The following TLN2 variants were observed in gnomAD, a reference collection of about 807,000 sequenced individuals.
TLN2 encodes the protein talin-2.
TLN2 carries 118 observed loss-of-function variants against 294.7 expected under a neutral mutation model. The observed-to-expected ratio is 0.40, with a 90% CI of 0.34 to 0.47. The LOEUF (loss-of-function observed/expected upper bound fraction) is 0.47, where lower values mean the gene tolerates loss of function less well. TLN2 is among the 20% of genes least tolerant of loss of function. The probability of loss-of-function intolerance (pLI) is 0.84; values close to 1 mark genes in which losing one functional copy is unlikely to be tolerated. For missense variants in TLN2, 3,083 were observed against 3,282.2 expected (o/e 0.94, Z 1.48); for synonymous variants, 1,431 against 1,304.5 (o/e 1.10, Z -2.09).
chr15:62,788,943 G>A (rs757328905), intron 45 of TLN2, among the ~76,000 whole-genome samples: 1 of 152,168 alleles, frequency 6.6e-6, no homozygotes, highest in Non-Finnish European at 1.5e-5. Flanking sequence ...AGGTTAATGG[G>A]CTCACCCAGA....
chr15:62,603,098 T>C (rs1015869856), intron 2 of TLN2, among the ~76,000 whole-genome samples: 8 of 151,976 alleles, frequency 5.3e-5, no homozygotes, highest in African/African-American at 1.9e-4. Context: ...TTCACCGTGT[T>C]AGCCAGGATG....
rs779947281 is a variant in TLN2, at chr15:62,797,299, A to G, written c.6131A>G (p.Lys2044Arg). The change falls in exon 48 of 59, where the codon AAG (lysine) becomes AGG (arginine). Residue 2044 changes from lysine (K) to arginine (R), a missense_variant. Transcript: ENST00000636159. ...TCAGGAGCTGCGTCCACTCCTGACA[A>G]GCTGGCCCAGGCGGCCCAGTCCTCA... ...LVSGAASTPD[K>R]LAQAAQSSAA... 5 of 1,613,658 alleles carry G rather than the reference A, an allele frequency of 3.1e-6. No homozygotes were observed. Among genetic ancestry groups the G allele is most frequent in the South Asian group, 1.1e-5 (1 of 91,064 alleles).
chr15:62,708,708 C>A lies in TLN2; in HGVS notation c.2379C>A (p.Ser793Arg). 1 of 1,613,538 alleles carries A rather than the reference C, an allele frequency of 6.2e-7. No individual in the cohort carries two copies. Among genetic ancestry groups the A allele is most frequent in the Non-Finnish European group, 8.5e-7 (1 of 1,180,030 alleles). Residue 793 changes from serine to arginine, a missense_variant, in exon 21 of 59, where the codon AGC becomes AGA. Transcript: ENST00000636159. ...DLLQHVRQFA[S>R]RGEPIGRYDQ... ...TGCAGCATGTGCGGCAGTTTGCCAG[C>A]CGAGGCGAGCCCATCGGCCGCTACG...
At chr15:62,819,295 C>A (rs1378386574) in intron 52 of TLN2, among the ~76,000 whole-genome samples, 1 of 152,160 alleles carries the variant, frequency 6.6e-6, no homozygotes, top group African/African-American at 2.4e-5. Flanking sequence ...TCAGGAGGGA[C>A]CTTAGAGGCA....
At chr15:62,757,757 C>G (rs1417746386) in intron 37 of TLN2, among the ~76,000 whole-genome samples, 1 of 152,138 alleles carries the variant, frequency 6.6e-6, no homozygotes, top group Non-Finnish European at 1.5e-5. Context: ...CCTCCGTCTC[C>G]TGGCGCACCC....
chr15:62,477,176 C>G (rs2037826305), intron 1 of TLN2, among the ~76,000 whole-genome samples: 1 of 152,152 alleles, frequency 6.6e-6, no homozygotes, highest in Admixed American at 6.6e-5. Context: ...GTGCTTTGTT[C>G]TAATTACTCT....
At chr15:62,556,148 G>A (rs1021734504) in intron 1 of TLN2, among the ~76,000 whole-genome samples, 1 of 150,772 alleles carries the variant, frequency 6.6e-6, no homozygotes, top group Admixed American at 6.6e-5. Context: ...TTAATGTCAT[G>A]TAGTAAAATT....
At position 62,582,235 on chromosome 15, in the gene TLN2, CA is replaced by C. The variant is rs59377965; in HGVS notation, c.-237-7451del. ...ACACACACACACACACACACACACA[CA>C]CACACACACACATTCATGCCTGACC... On this transcript the variant is annotated intron_variant, in intron 1 of 58. Coordinates refer to ENST00000636159, the MANE Select transcript of TLN2 (RefSeq NM_015059.3). Among the ~76,000 whole-genome samples, 252 of 140,190 alleles carry C rather than the reference CA, an allele frequency of 1.8e-3. 3 individuals carry two copies. The highest frequency in any genetic ancestry group is 5.8e-3 in the African/African-American group (229 of 39,722). 92.0% of individuals were successfully genotyped at this position (140,190 alleles called of 152,430 possible).
chr15:62,423,183 CAG>C (rs1411278558), intron 1 of TLN2, among the ~76,000 whole-genome samples: 3 of 152,144 alleles, frequency 2.0e-5, no homozygotes, highest in Non-Finnish European at 2.9e-5. Flanking sequence ...TGCTTGAGCT[CAG>C]GGGTTCAAAA....
chr15:62,662,163 G>A (rs1179320846), intron 9 of TLN2, among the ~76,000 whole-genome samples: 1 of 151,072 alleles, frequency 6.6e-6, no homozygotes, highest in African/African-American at 2.4e-5. Context: ...TAAACCTTGG[G>A]TAAATTTGAT....
At position 62,783,904 on chromosome 15, in the gene TLN2, A is replaced by G; in HGVS notation, c.5736+14A>G. 6.2e-7 allele frequency: 1 copy of G among 1,613,616 alleles called. No homozygotes were observed. The highest frequency in any genetic ancestry group is 8.5e-7 in the Non-Finnish European group (1 of 1,179,902). On this transcript the variant is annotated intron_variant, in intron 45 of 58. Transcript: ENST00000636159. ...GAACCAGAGGAGGTCTGCCACCTTA[A>G]GACCCCTATTTTAAGATGCACACAC... is the stretch of plus-strand genomic sequence containing the variant.
At position 62,842,290 on chromosome 15, in the gene TLN2, T is replaced by C. The variant is rs1362374045; in HGVS notation, c.*1680T>C. 1 of 152,176 alleles carries C rather than the reference T, an allele frequency of 6.6e-6. No homozygotes were observed. The highest frequency in any genetic ancestry group is 1.5e-5 in the Non-Finnish European group (1 of 68,020). The allele number at this position is 152,176 out of a possible 1,614,324, so 9.4% of individuals were successfully genotyped here. The stretch of plus-strand genomic sequence containing the variant: ...GTATGTGTAGGACACTGACAGTGTG[T>C]GGGCACCAGTTCTGAAGAGGAGGGG... On this transcript the variant is annotated 3_prime_UTR_variant, in exon 59 of 59. Transcript: ENST00000636159.
intron 1 of TLN2, among the ~76,000 whole-genome samples, chr15:62,497,777 T>C (rs1280428198): frequency 6.6e-6 from 1 of 152,198 alleles, no homozygotes; most frequent in African/African-American, 2.4e-5. Context: ...CTAAATTTTT[T>C]TAAGAAGAAT....
Position 62,713,476 on chromosome 15 carries a change from C to A in TLN2, c.2634+1399C>A, listed in dbSNP as rs141466176. ...GGCGGATTACCTGAGGTCAGGAGTT[C>A]AAGACCAGCCTGACCGACATGGCAA... On this transcript the variant is annotated intron_variant, in intron 22 of 58. Coordinates refer to ENST00000636159, the MANE Select transcript of TLN2 (RefSeq NM_015059.3). Among the ~76,000 whole-genome samples, 320 of 151,972 alleles carry A rather than the reference C, an allele frequency of 2.1e-3. 2 individuals are homozygous for A. Among genetic ancestry groups the A allele is most frequent in the African/African-American group, 7.5e-3 (311 of 41,460 alleles).
chr15:62,552,088 G>T (rs909296378), intron 1 of TLN2, among the ~76,000 whole-genome samples: 3 of 152,128 alleles, frequency 2.0e-5, no homozygotes, highest in African/African-American at 7.2e-5. Flanking sequence ...GGCTTTGCTG[G>T]ATGTTTTGCA....
intron 2 of TLN2, among the ~76,000 whole-genome samples, chr15:62,593,354 C>T (rs909399815): frequency 7.9e-5 from 12 of 152,326 alleles, no homozygotes; most frequent in South Asian, 2.1e-4. Context: ...ACCTAGGCTG[C>T]GCTCCTCACT....
chr15:62,798,005 G>A (rs1432816902), intron 48 of TLN2, among the ~76,000 whole-genome samples: 1 of 152,180 alleles, frequency 6.6e-6, no homozygotes, highest in Non-Finnish European at 1.5e-5. Context: ...CTGCAGGGAG[G>A]AAAGCCGCGG....
chr15:62,543,906 G>A (rs1253161090), intron 1 of TLN2, among the ~76,000 whole-genome samples: 2 of 152,176 alleles, frequency 1.3e-5, no homozygotes, highest in African/African-American at 2.4e-5. Context: ...CATCTCCAGG[G>A]AGGACTGTAA....
chr15:62,547,404 G>T (rs948549649), intron 1 of TLN2, among the ~76,000 whole-genome samples: 2 of 152,286 alleles, frequency 1.3e-5, no homozygotes, highest in East Asian at 1.9e-4. Context: ...GTCATATTCA[G>T]TGGACATAGT....
Sources: gnomAD v4.1 joint callset for allele counts (sites outside exome capture counted in the v4.1 genomes callset) on GRCh38, gnomAD v4.1.1 for gene constraint, MANE v1.5 for transcripts, NCBI Gene and HGNC (gene_info 2026-07-23, HGNC 2026-07-21) for gene names.